Variants in PPM1E observed in about 807,000 individuals in gnomAD.
PPM1E encodes protein phosphatase, Mg2+/Mn2+ dependent 1E.
PPM1E carries 20 observed loss-of-function variants against 65.9 expected under a neutral mutation model. The observed-to-expected ratio is 0.30, with a 90% CI of 0.21 to 0.44. The LOEUF (loss-of-function observed/expected upper bound fraction) is 0.44, where lower values mean the gene tolerates loss of function less well. Ranked by LOEUF, PPM1E falls within the 20% of genes least tolerant of loss-of-function variation. The pLI is 1.00. For missense variants in PPM1E, 713 were observed against 953.1 expected (o/e 0.75, Z 3.32); for synonymous variants, 352 against 374.9 (o/e 0.94, Z 0.70).
intron 1 of PPM1E, among the ~76,000 whole-genome samples, chr17:58,788,777 T>A (rs938318034): frequency 6.6e-6 from 1 of 152,194 alleles, no homozygotes; most frequent in Non-Finnish European, 1.5e-5. Flanking sequence ...GCCGCCTCAG[T>A]CTCTGGCAAC....
At chr17:58,756,604 G>A (rs1358834126) in intron 1 of PPM1E, 143 bp downstream of exon 1, 5 of 1,054,198 alleles carry the variant, frequency 4.7e-6, no homozygotes, top group Non-Finnish European at 6.1e-6. Flanking sequence ...AAGCGCCCCC[G>A]CTGCTCGGAC....
intron 1 of PPM1E, among the ~76,000 whole-genome samples, chr17:58,915,193 G>C (rs1430929328): frequency 1.3e-5 from 2 of 152,214 alleles, no homozygotes; most frequent in East Asian, 3.8e-4. Context: ...AGACAGAGCA[G>C]CCTTGAGGGC....
At chr17:58,944,397 AC>A (rs1440497831) in intron 1 of PPM1E, among the ~76,000 whole-genome samples, 1 of 152,130 alleles carries the variant, frequency 6.6e-6, no homozygotes, top group African/African-American at 2.4e-5. Context: ...GGATTTTAAT[AC>A]AGTCACAGTT....
chr17:58,950,307 C>T (rs914741650), intron 1 of PPM1E, among the ~76,000 whole-genome samples: 11 of 152,104 alleles, frequency 7.2e-5, no homozygotes, highest in Non-Finnish European at 1.5e-4. Flanking sequence ...TTGCAGTGAG[C>T]CGAAAATTGC....
At chr17:58,887,328 C>T (rs1279053944) in intron 1 of PPM1E, among the ~76,000 whole-genome samples, 1 of 152,002 alleles carries the variant, frequency 6.6e-6, no homozygotes, top group East Asian at 1.9e-4. Context: ...CCATGCCCAG[C>T]TAATTTTTTT....
chr17:58,953,069 G>A (rs115417792), intron 1 of PPM1E, among the ~76,000 whole-genome samples: 2,578 of 152,214 alleles, frequency 0.017, 56 homozygotes, highest in African/African-American at 0.059. Context: ...TCCCTTTCCC[G>A]CTGTAACCCA....
chr17:58,980,050 C>T lies in PPM1E; in HGVS notation c.1287C>T (p.Tyr429=). Residue 429 remains tyrosine (Y), a synonymous_variant, in exon 7 of 7, where the codon TAC becomes TAT. Transcript: ENST00000308249. This position sits in a 1 kb window ranked among gnomAD's most constrained non-coding sequence, Gnocchi z 4.7. ...ASTVLDGTED[Y]LILACDGFYD... ...CTGTTCTGGATGGGACCGAAGACTA[C>T]CTCATTCTGGCCTGTGATGGCTTCT... 2 of 1,614,048 alleles carry T rather than the reference C, an allele frequency of 1.2e-6. No individual in the cohort carries two copies. Among genetic ancestry groups the T allele is most frequent in the Non-Finnish European group, 1.7e-6 (2 of 1,180,010 alleles).
In PPM1E at chr17:58,937,892, A is replaced by G. The variant is rs7221037; in HGVS notation, c.465-17757A>G. On this transcript the variant is annotated intron_variant, in intron 1 of 6. Transcript: ENST00000308249. ...GAGACTCCATCTCAAAAAAAAAAAAAAAAGAAAGAAAGAAAAGAAAGAAAG... is the reference window on the plus strand; with the variant it reads ...GAGACTCCATCTCAAAAAAAAAAAAGAAAGAAAGAAAGAAAAGAAAGAAAG... Among the ~76,000 whole-genome samples, 23 of 129,784 alleles carry G rather than the reference A, an allele frequency of 1.8e-4. 2 individuals carry two copies. The highest frequency in any genetic ancestry group is 4.6e-3 in the Middle Eastern group (1 of 218). The allele number at this position is 129,784 out of a possible 152,430, so 85.1% of individuals were successfully genotyped here. A position where few individuals can be genotyped will look rare whatever the true frequency, so the allele number is the denominator to read the frequency against.
At chr17:58,873,596 T>TATTATTATC (rs1346889489) in intron 1 of PPM1E, among the ~76,000 whole-genome samples, 1 of 147,116 alleles carries the variant, frequency 6.8e-6, no homozygotes, top group Non-Finnish European at 1.5e-5. Context: ...TTATTATTAT[T>TATTATTATC]ATTATTATTA....
intron 1 of PPM1E, among the ~76,000 whole-genome samples, chr17:58,909,000 C>A (rs1277579990): frequency 6.6e-6 from 1 of 151,860 alleles, no homozygotes; most frequent in Non-Finnish European, 1.5e-5. Flanking sequence ...TGTATTGTTG[C>A]CATTATTATG....
intron 1 of PPM1E, among the ~76,000 whole-genome samples, chr17:58,792,560 T>G (rs1412999404): frequency 6.6e-6 from 1 of 151,438 alleles, no homozygotes; most frequent in Non-Finnish European, 1.5e-5. Context: ...CAGGCTGGTC[T>G]TGAACTTCTG....
In PPM1E at chr17:58,965,908, C is replaced by G. The variant is rs370497529; in HGVS notation, c.783+15C>G. 3.1e-6 allele frequency: 5 copies of G among 1,611,302 alleles called. No individual in the cohort carries two copies. The highest frequency in any genetic ancestry group is 4.2e-6 in the Non-Finnish European group (5 of 1,177,820). On this transcript the variant is annotated intron_variant, in intron 3 of 6. Coordinates refer to ENST00000308249, the MANE Select transcript of PPM1E (RefSeq NM_014906.5). ...TCAACCTAGAGGTAAAGGGCACTTT[C>G]GGAGAGTCAGTGAGATTTTAAAGAC...
chr17:58,874,766 C>T (rs1221838324), intron 1 of PPM1E, among the ~76,000 whole-genome samples: 1 of 152,108 alleles, frequency 6.6e-6, no homozygotes, highest in Admixed American at 6.5e-5. Flanking sequence ...GGTATATCAC[C>T]ACTGGAAACT....
intron 1 of PPM1E, among the ~76,000 whole-genome samples, chr17:58,923,539 A>G (rs1342345694): frequency 1.3e-5 from 2 of 151,782 alleles, no homozygotes; most frequent in Non-Finnish European, 2.9e-5. Context: ...TAAGGTCAGG[A>G]GTTCAAGACC....
chr17:58,811,995 T>C (rs1023828928), intron 1 of PPM1E, among the ~76,000 whole-genome samples: 1 of 152,126 alleles, frequency 6.6e-6, no homozygotes, highest in African/African-American at 2.4e-5. Context: ...CTAATGGTAA[T>C]TTTGTGTTTG....
At chr17:58,827,350 G>T (rs930809292) in intron 1 of PPM1E, among the ~76,000 whole-genome samples, 2 of 151,506 alleles carry the variant, frequency 1.3e-5, no homozygotes, top group African/African-American at 4.8e-5. Flanking sequence ...TGTTGGCCGG[G>T]CTGGTCTCCT....
intron 1 of PPM1E, among the ~76,000 whole-genome samples, chr17:58,763,574 A>G (rs1393101216): frequency 6.6e-6 from 1 of 152,144 alleles, no homozygotes; most frequent in Non-Finnish European, 1.5e-5. Flanking sequence ...TAGTTTGGAC[A>G]TGTCTCCTTG....
intron 1 of PPM1E, among the ~76,000 whole-genome samples, chr17:58,847,357 C>G (rs1227423032): frequency 6.6e-6 from 1 of 152,150 alleles, no homozygotes; most frequent in East Asian, 1.9e-4. Context: ...TGCCTATGGC[C>G]TGAATGGTAT....
intron 2 of PPM1E, among the ~76,000 whole-genome samples, chr17:58,964,249 A>AT (rs907363468): frequency 1.5e-3 from 221 of 146,382 alleles, no homozygotes; most frequent in Admixed American, 2.2e-3. Context: ...ATTTAAGTTC[A>AT]TTTTTTTTTT....
Sources: gnomAD v4.1 joint callset for allele counts (sites outside exome capture counted in the v4.1 genomes callset) on GRCh38, gnomAD v4.1.1 for gene constraint, Gnocchi (gnomAD v3.1) non-coding constraint, MANE v1.5 for transcripts, NCBI Gene and HGNC (gene_info 2026-07-23, HGNC 2026-07-21) for gene names.